FMNL2: variants seen among roughly 807,000 people sequenced by gnomAD.
The protein encoded by FMNL2 is formin like 2.
Under a neutral mutation model 130.2 loss-of-function variants are expected in FMNL2, and 51 were observed. That is an observed-to-expected ratio of 0.39 (90% CI 0.31 to 0.49). The LOEUF (loss-of-function observed/expected upper bound fraction) is 0.49, where lower values mean the gene tolerates loss of function less well. Among genes scored for constraint, FMNL2 ranks in the 20% least tolerant of loss-of-function variants. The pLI, the probability that FMNL2 is intolerant of heterozygous loss-of-function variation, is 0.85. For missense variants in FMNL2, 977 were observed against 1,316.2 expected, an observed-to-expected ratio of 0.74 and a Z score of 3.99; for synonymous variants, 465 against 467.1, an observed-to-expected ratio of 1.00 and a Z score of 0.06.
intron 1 of FMNL2, among the ~76,000 whole-genome samples, chr2:152,502,037 G>A (rs557033556): frequency 1.3e-5 from 2 of 152,332 alleles, no homozygotes; most frequent in African/African-American, 4.8e-5. Context: ...ACAAGAAAAT[G>A]TTGATGCCTT....
chr2:152,619,353 T>G (rs751223275), intron 14 of FMNL2, among the ~76,000 whole-genome samples, 156 bp from the exon 15 acceptor site: 5 of 152,264 alleles, frequency 3.3e-5, no homozygotes, highest in Non-Finnish European at 7.3e-5. Flanking sequence ...TGAAATATTT[T>G]TCCCACATGT....
intron 6 of FMNL2, among the ~76,000 whole-genome samples, chr2:152,568,215 T>TG (rs1186510389): frequency 4.3e-5 from 6 of 139,110 alleles, no homozygotes; most frequent in African/African-American, 1.4e-4. Context: ...TCCATTTTGG[T>TG]GGGTTTTTTT....
At chr2:152,467,497 G>A (rs1689617919) in intron 1 of FMNL2, among the ~76,000 whole-genome samples, 1 of 152,184 alleles carries the variant, frequency 6.6e-6, no homozygotes, top group Non-Finnish European at 1.5e-5. Flanking sequence ...ATCGAAGGCT[G>A]ACAGAGCTTT....
At chr2:152,341,464 C>T (rs1019582825) in intron 1 of FMNL2, among the ~76,000 whole-genome samples, 27 of 152,096 alleles carry the variant, frequency 1.8e-4, no homozygotes, top group African/African-American at 5.6e-4. Context: ...GCCTTAAATC[C>T]GTAAGTGATA....
chr2:152,555,761 G>A (rs561708659), intron 4 of FMNL2, among the ~76,000 whole-genome samples: 19 of 152,202 alleles, frequency 1.2e-4, no homozygotes, highest in Admixed American at 3.9e-4. Flanking sequence ...GAAGTTATGC[G>A]TTCTGTCAGA....
At chr2:152,402,988 G>A (rs1685791303) in intron 1 of FMNL2, among the ~76,000 whole-genome samples, 1 of 152,116 alleles carries the variant, frequency 6.6e-6, no homozygotes, top group South Asian at 2.1e-4. Flanking sequence ...GACTTTCCTT[G>A]TTTTTGATGA....
chr2:152,367,800 T>C (rs972638908), intron 1 of FMNL2, among the ~76,000 whole-genome samples: 1 of 152,240 alleles, frequency 6.6e-6, no homozygotes, highest in African/African-American at 2.4e-5. Context: ...ATTTGCTCTC[T>C]TTGGGCAAGC....
intron 1 of FMNL2, among the ~76,000 whole-genome samples, chr2:152,382,439 T>A (rs2346202): frequency 0.5 from 76,583 of 151,866 alleles, 20,968 homozygotes; most frequent in South Asian, 0.67. Flanking sequence ...GTGTGGGAGG[T>A]CTTTTCTAAT....
chr2:152,348,308 T>A (rs1444170982), intron 1 of FMNL2, among the ~76,000 whole-genome samples: 1 of 152,236 alleles, frequency 6.6e-6, no homozygotes, highest in Non-Finnish European at 1.5e-5. Context: ...TGTTTGTGTC[T>A]TTGTTTCACC....
rs200139482 is a variant in FMNL2 at position 152,347,107 on chromosome 2, T to G, written c.117+11387T>G. Among the ~76,000 whole-genome samples the G allele has an allele frequency of 4.0e-3, 608 of 152,172 alleles. 15 individuals are homozygous for G. In the East Asian group the frequency reaches 0.082, roughly 21 times the overall value. On this transcript the variant is annotated intron_variant, in intron 1 of 25. Coordinates refer to ENST00000288670, the MANE Select transcript of FMNL2 (RefSeq NM_052905.4). ...TTCCGTCTCAAAAAAAAAAAATTTT[T>G]TTTTCACAAACCAGACACAGTTGCA...
intron 2 of FMNL2, among the ~76,000 whole-genome samples, chr2:152,525,816 C>T (rs545294433): frequency 5.3e-5 from 8 of 152,226 alleles, no homozygotes; most frequent in African/African-American, 1.9e-4. Flanking sequence ...AGAGTCAGGC[C>T]AGTGGCACTA....
intron 9 of FMNL2, among the ~76,000 whole-genome samples, chr2:152,585,663 C>G (rs1449066240): frequency 6.6e-6 from 1 of 152,090 alleles, no homozygotes; most frequent in Non-Finnish European, 1.5e-5. Flanking sequence ...CATGCTTTTT[C>G]TTCTCTTCCA....
chr2:152,412,585 T>C (rs936103890), intron 1 of FMNL2, among the ~76,000 whole-genome samples: 2 of 149,084 alleles, frequency 1.3e-5, no homozygotes, highest in South Asian at 4.3e-4. Flanking sequence ...GGTGGGCAGA[T>C]TGCTTTAGCC....
chr2:152,498,742 T>C (rs997643282), intron 1 of FMNL2, among the ~76,000 whole-genome samples: 4 of 152,310 alleles, frequency 2.6e-5, no homozygotes, highest in Admixed American at 2.6e-4. Flanking sequence ...ACCACCACCC[T>C]TTTTCTTTAA....
chr2:152,477,843 G>GTA (rs1419702258), intron 1 of FMNL2, among the ~76,000 whole-genome samples: 5 of 151,942 alleles, frequency 3.3e-5, no homozygotes, highest in African/African-American at 4.8e-5. Flanking sequence ...AATACGTGGT[G>GTA]TATATATATA....
At chr2:152,619,395 G>A (rs1699116745) in intron 14 of FMNL2, 114 bp from the exon 15 acceptor site, 1 of 1,476,546 alleles carries the variant, frequency 6.8e-7, no homozygotes, top group Non-Finnish European at 9.0e-7. Flanking sequence ...TTTGAAAACA[G>A]TCCTTTGTCC....
chr2:152,621,287 T>C (rs1559017118), intron 15 of FMNL2, among the ~76,000 whole-genome samples: 1 of 152,226 alleles, frequency 6.6e-6, no homozygotes, highest in Non-Finnish European at 1.5e-5. Context: ...AGCACTAACA[T>C]AGACCTCAGA....
intron 1 of FMNL2, among the ~76,000 whole-genome samples, chr2:152,415,103 C>T (rs1378294568): frequency 1.3e-5 from 2 of 151,800 alleles, no homozygotes; most frequent in Non-Finnish European, 2.9e-5. Flanking sequence ...AGCTGTGGTG[C>T]AGAAACCTAC....
chr2:152,636,665 T>C, intron 22 of FMNL2, 75 bp downstream of exon 22: 1 of 1,463,506 alleles, frequency 6.8e-7, no homozygotes, highest in Non-Finnish European at 9.1e-7. Context: ...GCCCTGTATT[T>C]GGGGAGAAAT....
Sources: allele counts gnomAD v4.1 joint callset (sites outside exome capture counted in the v4.1 genomes callset), GRCh38; gene constraint gnomAD v4.1.1; transcripts MANE v1.5; gene names NCBI Gene and HGNC (gene_info 2026-07-23, HGNC 2026-07-21).